PHF8: variants seen among roughly 807,000 people sequenced by gnomAD.
PHF8 encodes the protein PHD finger protein 8, also known as histone lysine demethylase PHF8.
In PHF8, 9 loss-of-function variants were observed where a neutral mutation model predicts 74.4. That is an observed-to-expected ratio of 0.12 (90% CI 0.07 to 0.21). The LOEUF is 0.21. PHF8 is among the 10% of genes least tolerant of loss of function. The pLI is 1.00. For missense variants in PHF8, 478 were observed against 816.6 expected, an observed-to-expected ratio of 0.59 and a Z score of 5.05; for synonymous variants, 311 against 316.6, an observed-to-expected ratio of 0.98 and a Z score of 0.19.
Position 54,042,850 on chromosome X carries a change from G to GA in PHF8, c.-92-31dup, listed in dbSNP as rs782166069. On this transcript the variant is annotated intron_variant, in intron 1 of 21. Transcript: ENST00000338154. ...GCACAAATAACACTTTTTACAGAGT[G>GA]AATCAGCCCCCGCCCCCCACCCCCT... 6 of 1,046,343 alleles carry GA rather than the reference G, an allele frequency of 5.7e-6. No individual in the cohort carries two copies. The South Asian group carries it at 1.1e-4, about 20-fold the overall frequency. 86.2% of individuals were successfully genotyped at this position (1,046,343 alleles called of 1,213,427 possible).
chrX:54,018,091 A>G (rs1603338368), intron 4 of PHF8, among the ~76,000 whole-genome samples: 1 of 112,174 alleles, frequency 8.9e-6, no homozygotes, highest in East Asian at 2.8e-4. Context: ...CAGAAAGAAA[A>G]GACACATCTG....
At chrX:54,015,575 C>CAAA (rs202093690) in intron 6 of PHF8, among the ~76,000 whole-genome samples, 39 of 32,875 alleles carry the variant, frequency 1.2e-3, no homozygotes, top group African/African-American at 2.5e-3. Flanking sequence ...AACTCCGTCT[C>CAAA]AAAAAAAAAA....
chrX:54,020,436 G>A (rs2066150089), intron 4 of PHF8, among the ~76,000 whole-genome samples: 1 of 111,277 alleles, frequency 9.0e-6, no homozygotes, highest in African/African-American at 3.3e-5. Flanking sequence ...GTTACACCAT[G>A]CAATGTAATA....
intron 2 of PHF8, among the ~76,000 whole-genome samples, chrX:54,023,664 C>T (rs1557110624): frequency 9.3e-6 from 1 of 107,597 alleles, no homozygotes; most frequent in East Asian, 2.9e-4. Flanking sequence ...CCCAGGAGTT[C>T]AAGACCAGCC....
In PHF8 at chrX:54,016,382, T is replaced by C. The variant is rs781895733; in HGVS notation, c.596+213A>G. 9.5e-4 allele frequency among the ~76,000 whole-genome samples: 104 copies of C among 109,041 alleles called. 1 individual carries two copies. Among genetic ancestry groups the C allele is most frequent in the Non-Finnish European group, 1.0e-3 (54 of 52,516 alleles). The allele number at this position is 109,041 out of a possible 115,157, so 94.7% of individuals were successfully genotyped here. A position where few individuals can be genotyped will look rare whatever the true frequency, so the allele number is the denominator to read the frequency against. ...GGTGGCGGGCGCCTGTAATCCTAGCTACTCAGGAGGCTGAGGCAGGAGAAT... is the reference window on the plus strand; with the variant it reads ...GGTGGCGGGCGCCTGTAATCCTAGCCACTCAGGAGGCTGAGGCAGGAGAAT... On this transcript the variant is annotated intron_variant, in intron 6 of 21. Transcript: ENST00000338154.
intron 7 of PHF8, among the ~76,000 whole-genome samples, chrX:54,013,573 T>C (rs1256483591): frequency 9.0e-6 from 1 of 110,663 alleles, no homozygotes; most frequent in Non-Finnish European, 1.9e-5. Flanking sequence ...ATCCCAACAC[T>C]TTGGGAGGTG....
rs199782808 is a variant in PHF8, at chrX:53,940,173, G to A, written c.2986+7C>T. 1.0e-5 allele frequency: 12 copies of A among 1,158,908 alleles called. No individual in the cohort carries two copies. The highest frequency in any genetic ancestry group is 2.5e-4 in the Middle Eastern group (1 of 4,024). ...CCTTCGGTTCTACAACCATATGGCCGTTGTACCTTGTCCTGCCTGATTGCT... is the reference window on the plus strand; with the variant it reads ...CCTTCGGTTCTACAACCATATGGCCATTGTACCTTGTCCTGCCTGATTGCT... On this transcript the variant is annotated splice_region_variant and intron_variant, in intron 21 of 21. Transcript: ENST00000338154.
Position 53,944,221 on chromosome X carries a change from C to G in PHF8, c.2562G>C (p.Pro854=). 8.3e-7 allele frequency: 1 copy of G among 1,208,620 alleles called. No homozygotes were observed. ...CCTCACGCACAGGACGGTCCTGCTT[C>G]GGCAGAGTTGGGGTCACGCGGGCTG... ...SPKARVTPTL[P]KQDRPVREGT... is the part of the protein sequence containing the mutation. Residue 854 remains proline, a synonymous_variant, in exon 20 of 22, where the codon CCG becomes CCC. Coordinates refer to ENST00000338154, the MANE Select transcript of PHF8 (RefSeq NM_015107.3).
intron 2 of PHF8, chrX:54,039,802 A>G (rs1193410926): frequency 8.9e-6 from 1 of 112,574 alleles, no homozygotes; most frequent in Non-Finnish European, 1.9e-5. Flanking sequence ...TGACACATAT[A>G]TATTGTGGGA....
At chrX:53,940,069 T>C in intron 21 of PHF8, 111 bp downstream of exon 21, 1 of 563,203 alleles carries the variant, frequency 1.8e-6, no homozygotes, top group Non-Finnish European at 3.0e-6. Flanking sequence ...TCCAAGCACC[T>C]TAGGTTGGCC....
chrX:53,964,868 C>CAAA (rs782274910), intron 18 of PHF8, among the ~76,000 whole-genome samples: 1 of 37,768 alleles, frequency 2.6e-5, no homozygotes, highest in Non-Finnish European at 5.0e-5. Context: ...AACTCTGCCT[C>CAAA]AAAAAAAAAA....
chrX:53,943,355 C>T, intron 20 of PHF8: 1 of 848,723 alleles, frequency 1.2e-6, no homozygotes, highest in Non-Finnish European at 1.7e-6. Flanking sequence ...CCTCCATTTA[C>T]TGGCTGTATT....
chrX:54,017,653 T>A lies in PHF8; in HGVS notation c.454+8A>T. On this transcript the variant is annotated splice_region_variant and intron_variant, in intron 5 of 21. Transcript: ENST00000338154. ...ATGTTACAGTTAAAAGGGTCTGTAG[T>A]GTCTTACCAACATAGTGTTCAACAT... The A allele has an allele frequency of 8.4e-7, 1 of 1,193,034 alleles. No individual in the cohort carries two copies.
intron 14 of PHF8, among the ~76,000 whole-genome samples, chrX:53,991,961 T>C (rs1171381341): frequency 8.9e-6 from 1 of 111,769 alleles, no homozygotes; most frequent in Non-Finnish European, 1.9e-5. Flanking sequence ...GAAAGAGAGA[T>C]GGGTGTGAGA....
chrX:54,048,130 G>A (rs1037464801), upstream of PHF8, among the ~76,000 whole-genome samples: 7 of 108,849 alleles, frequency 6.4e-5, no homozygotes, highest in South Asian at 4.1e-4. Flanking sequence ...CAGAGCTTGC[G>A]GTGAGCCGAG....
intron 14 of PHF8, among the ~76,000 whole-genome samples, chrX:53,988,332 T>C (rs1308625854): frequency 8.9e-6 from 1 of 111,807 alleles, no homozygotes; most frequent in African/African-American, 3.2e-5. Flanking sequence ...GGATGGTTTT[T>C]TTCAGTAGAA....
intron 18 of PHF8, among the ~76,000 whole-genome samples, chrX:53,981,016 C>T (rs2065471819): frequency 8.9e-6 from 1 of 112,297 alleles, no homozygotes; most frequent in East Asian, 2.8e-4. Context: ...AGTTCAAGAC[C>T]GGCCTGGCCA....
chrX:54,046,638 G>A (rs1184264689), upstream of PHF8, among the ~76,000 whole-genome samples: 1 of 109,427 alleles, frequency 9.1e-6, no homozygotes, highest in African/African-American at 3.3e-5. Flanking sequence ...TAGGCAGTAA[G>A]AGTATTTCTA....
chrX:54,019,355 C>T (rs1010189638), intron 4 of PHF8, among the ~76,000 whole-genome samples: 7 of 108,850 alleles, frequency 6.4e-5, no homozygotes, highest in Admixed American at 5.9e-4. Context: ...CCCAGCTACC[C>T]AGGAAGCGCA....
Sources: gnomAD v4.1 joint callset for allele counts (sites outside exome capture counted in the v4.1 genomes callset) on GRCh38, gnomAD v4.1.1 for gene constraint, MANE v1.5 for transcripts, NCBI Gene and HGNC (gene_info 2026-07-23, HGNC 2026-07-21) for gene names.